The following MMP24 variants were observed in gnomAD, a reference collection of about 807,000 sequenced individuals.
The protein encoded by MMP24 is matrix metallopeptidase 24.
MMP24 carries 25 observed loss-of-function variants against 62.8 expected under a neutral mutation model. The ratio of observed to expected loss-of-function variants is 0.40; its 90% CI spans 0.29 to 0.56. MMP24 has a LOEUF of 0.56. MMP24 is among the 20% of genes least tolerant of loss of function. MMP24 has a pLI of 0.50. For missense variants in MMP24, 634 were observed against 853.6 expected (o/e 0.74, Z 3.21); for synonymous variants, 319 against 350.5 (o/e 0.91, Z 1.00).
Position 35,254,553 on chromosome 20 carries a change from G to T in MMP24, c.616G>T (p.Val206Leu). The T allele has an allele frequency of 6.2e-7, 1 of 1,614,048 alleles. No homozygotes were observed. The highest frequency in any genetic ancestry group is 8.5e-7 in the Non-Finnish European group (1 of 1,179,898). ...GGTGACCCCACTGACCTTTGAAGAG[G>T]TGCCATACCATGAGATCAAAAGTGA... ...QKVTPLTFEE[V>L]PYHEIKSDRK... Residue 206 changes from valine (V) to leucine (L), a missense_variant, in exon 4 of 9, where the codon GTG (valine) becomes TTG (leucine). Physicochemically the swap from Val to Leu is conservative, Grantham distance 32 (BLOSUM62 1). Around this residue, in one of 3 missense-constraint regions of MMP24, gnomAD observed 212 missense variants for 259.6 expected, o/e 0.82. Transcript: ENST00000246186.
At position 35,267,274 on chromosome 20, in the gene MMP24, C is replaced by T. The variant is rs2060640918; in HGVS notation, c.1049C>T (p.Pro350Leu). 1 of 1,606,032 alleles carries T rather than the reference C, an allele frequency of 6.2e-7. No homozygotes were observed. The highest frequency in any genetic ancestry group is 8.5e-7 in the Non-Finnish European group (1 of 1,176,598). The part of the protein sequence containing the change: ...PTLPVRRIHS[P>L]SERKHERQPR... ...CTCCCCGTCCGCAGGATCCACTCAC[C>T]ATCGGAGAGGAAACACGAGCGCCAG... The change falls in exon 6 of 9, where the codon CCA becomes CTA. Residue 350 changes from proline (P) to leucine (L), a missense_variant. Pro to Leu is a moderately conservative substitution (Grantham distance 98). Around this residue, in one of 3 missense-constraint regions of MMP24, gnomAD observed 399 missense variants for 530.8 expected, o/e 0.75. Coordinates refer to ENST00000246186, the MANE Select transcript of MMP24 (RefSeq NM_006690.4).
rs1459604430 is a variant in MMP24, at chr20:35,269,427, T to A, written c.1195-333T>A. Among the ~76,000 whole-genome samples, 1 of 152,186 alleles carries A rather than the reference T, an allele frequency of 6.6e-6. No homozygotes were observed. The highest frequency in any genetic ancestry group is 1.9e-4 in the East Asian group (1 of 5,186). On this transcript the variant is annotated intron_variant, in intron 6 of 8. Transcript: ENST00000246186. The surrounding 1 kb of genome is among the most constrained non-coding windows in gnomAD (Gnocchi z 4.6). ...AGCCTCCCACTGTCCCGAGGACCAGTCTGGCTGATGTCAGTGACGCTCCAC... is the reference window on the plus strand; with the variant it reads ...AGCCTCCCACTGTCCCGAGGACCAGACTGGCTGATGTCAGTGACGCTCCAC...
At chr20:35,238,811 G>T (rs114374422) in intron 1 of MMP24, among the ~76,000 whole-genome samples, 76 of 152,206 alleles carry the variant, frequency 5.0e-4, no homozygotes, top group Middle Eastern at 3.4e-3. Flanking sequence ...CTCTCCAACC[G>T]GCTCTATTCT....
At position 35,258,334 on chromosome 20, in the gene MMP24, G is replaced by A. The variant is rs142938339; in HGVS notation, c.817+3580G>A. On this transcript the variant is annotated intron_variant, in intron 4 of 8. Coordinates refer to ENST00000246186, the MANE Select transcript of MMP24 (RefSeq NM_006690.4). ...TTTTTTAAAATCTAATACCCAGTTC[G>A]AGTTCACTTTCCCAAAGTACCTTGG... 1.0e-3 allele frequency among the ~76,000 whole-genome samples: 159 copies of A among 152,168 alleles called. 1 individual carries two copies. The highest frequency in any genetic ancestry group is 3.6e-3 in the African/African-American group (148 of 41,522).
Position 35,237,412 on chromosome 20 carries a change from A to T in MMP24, c.247-9428A>T, listed in dbSNP as rs117533237. 2.9e-3 allele frequency among the ~76,000 whole-genome samples: 448 copies of T among 152,070 alleles called. 2 individuals carry two copies. Among genetic ancestry groups the T allele is most frequent in the Middle Eastern group, 3.4e-3 (1 of 294 alleles). On this transcript the variant is annotated intron_variant, in intron 1 of 8. Transcript: ENST00000246186. ...TCTCCCAACACCTTCTCTGACTCAA[A>T]CCCCCTGCCTTCCTCTTATAAGGAT... is the stretch of plus-strand genomic sequence containing the variant.
Position 35,269,951 on chromosome 20 carries a change from C to CT in MMP24, c.1333+58dup. ...TCCCTGCCCAAGGTCTTGGGACCTC[C>CT]TTTTTCCCATCTAAACTGGAAGAGG... On this transcript the variant is annotated intron_variant, in intron 7 of 8. Transcript: ENST00000246186. This position sits in a 1 kb window ranked among gnomAD's most constrained non-coding sequence, Gnocchi z 4.6. The CT allele has an allele frequency of 1.9e-6, 3 of 1,545,876 alleles. No individual in the cohort carries two copies. Among genetic ancestry groups the CT allele is most frequent in the Non-Finnish European group, 2.6e-6 (3 of 1,143,212 alleles).
chr20:35,269,622 G>A lies in MMP24; in HGVS notation c.1195-138G>A. The stretch of plus-strand genomic sequence containing the variant: ...AGGAGCATCCTGTCTTCCTCCCAGG[G>A]CTTTAAAAGTCAGAAGCAGCTAATG... On this transcript the variant is annotated intron_variant, in intron 6 of 8. Coordinates refer to ENST00000246186, the MANE Select transcript of MMP24 (RefSeq NM_006690.4). This position sits in a 1 kb window ranked among gnomAD's most constrained non-coding sequence, Gnocchi z 4.6. 1 of 1,048,574 alleles carries A rather than the reference G, an allele frequency of 9.5e-7. No homozygotes were observed. The highest frequency in any genetic ancestry group is 1.3e-6 in the Non-Finnish European group (1 of 742,250). The allele number at this position is 1,048,574 out of a possible 1,614,324, so 65.0% of individuals were successfully genotyped here.
intron 2 of MMP24, among the ~76,000 whole-genome samples, chr20:35,249,100 A>G (rs946985340): frequency 1.3e-5 from 2 of 152,168 alleles, no homozygotes; most frequent in African/African-American, 4.8e-5. Flanking sequence ...GGAAGGAGGA[A>G]GCCAGTTGCA....
intron 4 of MMP24, among the ~76,000 whole-genome samples, chr20:35,257,231 A>T (rs2060579491): frequency 1.3e-5 from 2 of 152,234 alleles, no homozygotes; most frequent in African/African-American, 4.8e-5. Context: ...AGGCAAAGTC[A>T]TGAACCTGTT....
intron 1 of MMP24, among the ~76,000 whole-genome samples, chr20:35,240,583 C>CT (rs1210502161): frequency 5.3e-5 from 8 of 151,760 alleles, no homozygotes; most frequent in Non-Finnish European, 1.2e-4. Flanking sequence ...TGGGTTTTAT[C>CT]TTTTTTTTCA....
chr20:35,274,210 A>G lies in MMP24; in HGVS notation c.1601-62A>G. 7 of 1,493,476 alleles carry G rather than the reference A, an allele frequency of 4.7e-6. No individual in the cohort carries two copies. The highest frequency in any genetic ancestry group is 2.7e-5 in the African/African-American group (2 of 72,776). 92.5% of individuals were successfully genotyped at this position (1,493,476 alleles called of 1,614,324 possible). ...ACAGTGCCTGTGCCCTCCTTTTCAC[A>G]CTGCCCCAGAGCAGGTGCCGGAAGT... On this transcript the variant is annotated intron_variant, in intron 8 of 8. Coordinates refer to ENST00000246186, the MANE Select transcript of MMP24 (RefSeq NM_006690.4). The surrounding 1 kb of genome is among the most constrained non-coding windows in gnomAD (Gnocchi z 5.1).
chr20:35,257,435 A>G (rs1325229843), intron 4 of MMP24, among the ~76,000 whole-genome samples: 1 of 152,226 alleles, frequency 6.6e-6, no homozygotes, highest in African/African-American at 2.4e-5. Flanking sequence ...TGTGAGGAGA[A>G]GAGAACTAAT....
At chr20:35,266,017 G>T (rs2060631998) in intron 5 of MMP24, among the ~76,000 whole-genome samples, 1 of 151,574 alleles carries the variant, frequency 6.6e-6, no homozygotes, top group Non-Finnish European at 1.5e-5. Flanking sequence ...CAGACACCCA[G>T]CCCTCAGCTC....
At chr20:35,230,352 G>A (rs531971998) in intron 1 of MMP24, among the ~76,000 whole-genome samples, 1 of 152,102 alleles carries the variant, frequency 6.6e-6, no homozygotes, top group East Asian at 1.9e-4. Flanking sequence ...CTTAGGCAAG[G>A]CTTTCTTGAC....
intron 1 of MMP24, among the ~76,000 whole-genome samples, chr20:35,229,818 C>T (rs566273291): frequency 6.6e-6 from 1 of 152,256 alleles, no homozygotes; most frequent in East Asian, 1.9e-4. Flanking sequence ...GTTACTTCTG[C>T]ACCCCTACCC....
At chr20:35,241,776 T>C (rs1295197226) in intron 1 of MMP24, among the ~76,000 whole-genome samples, 1 of 152,208 alleles carries the variant, frequency 6.6e-6, no homozygotes, top group African/African-American at 2.4e-5. Flanking sequence ...GAAGACCCCC[T>C]GTTCCTCACT....
At position 35,255,562 on chromosome 20, in the gene MMP24, C is replaced by T. The variant is rs139133754; in HGVS notation, c.817+808C>T. Among the ~76,000 whole-genome samples the T allele has an allele frequency of 3.1e-4, 47 of 152,242 alleles. 1 individual carries two copies. The highest frequency in any genetic ancestry group is 4.6e-4 in the Admixed American group (7 of 15,294). ...ATATTTATGGAGGCAGAGTCAATAC[C>T]GTGCAGCAATAGTAATGATACCCTG... On this transcript the variant is annotated intron_variant, in intron 4 of 8. Coordinates refer to ENST00000246186, the MANE Select transcript of MMP24 (RefSeq NM_006690.4).
At chr20:35,260,541 G>A (rs1459641379) in intron 4 of MMP24, among the ~76,000 whole-genome samples, 1 of 152,238 alleles carries the variant, frequency 6.6e-6, no homozygotes, top group Non-Finnish European at 1.5e-5. Flanking sequence ...AGCACAGCCA[G>A]GACTGGACCC....
Position 35,254,873 on chromosome 20 carries a change from G to A in MMP24, c.817+119G>A, listed in dbSNP as rs575631621. 1.5e-4 allele frequency: 173 copies of A among 1,145,416 alleles called. No homozygotes were observed. The African/African-American group carries it at 2.0e-3, about 14-fold the overall frequency. The allele number at this position is 1,145,416 out of a possible 1,614,324, so 71.0% of individuals were successfully genotyped here. On this transcript the variant is annotated intron_variant, in intron 4 of 8. Transcript: ENST00000246186. ...AGCCTCTTGTCCAAGAACTAAGACC[G>A]TAAGAGGGTGGGAACTGTGATTTCT...
Sources: gnomAD v4.1 joint callset for allele counts (sites outside exome capture counted in the v4.1 genomes callset) on GRCh38, gnomAD v4.1.1 for gene constraint, gnomAD v4.1.1 regional missense constraint, Gnocchi (gnomAD v3.1) non-coding constraint, MANE v1.5 for transcripts, NCBI Gene and HGNC (gene_info 2026-07-23, HGNC 2026-07-21) for gene names.